AGXT2: variants seen among roughly 807,000 people sequenced by gnomAD.
AGXT2 encodes alanine--glyoxylate aminotransferase 2, also known as alanine--glyoxylate aminotransferase 2, mitochondrial.
AGXT2 carries 61 observed loss-of-function variants against 62.5 expected under a neutral mutation model. That is an observed-to-expected ratio of 0.98 (90% CI 0.79 to 1.21). The LOEUF (loss-of-function observed/expected upper bound fraction) is 1.21. Among genes scored for constraint, AGXT2 ranks in the 50% most tolerant of loss-of-function variants. The pLI is 0.00. For missense variants in AGXT2, 666 were observed against 641.5 expected (o/e 1.04, Z -0.41); for synonymous variants, 243 against 218.7 (o/e 1.11, Z -0.98).
chr5:35,025,959 C>G (rs1218868411), intron 8 of AGXT2, 104 bp from the exon 9 acceptor site: 50 of 965,248 alleles, frequency 5.2e-5, no homozygotes, highest in Non-Finnish European at 8.2e-5. Flanking sequence ...GACAGTAACA[C>G]TAGCAATTTT....
intron 13 of AGXT2, among the ~76,000 whole-genome samples, chr5:35,000,839 G>C (rs1270328180): frequency 6.6e-6 from 1 of 152,172 alleles, no homozygotes; most frequent in African/African-American, 2.4e-5. Flanking sequence ...CCGAGCTACA[G>C]ACTTCTACAG....
At position 35,033,484 on chromosome 5, in the gene AGXT2, G is replaced by A; in HGVS notation, c.651C>T (p.Leu217=). 1 of 1,613,608 alleles carries A rather than the reference G, an allele frequency of 6.2e-7. No homozygotes were observed. Among genetic ancestry groups the A allele is most frequent in the Non-Finnish European group, 8.5e-7 (1 of 1,179,546 alleles). The change falls in exon 6 of 14, where the codon CTC becomes CTT. Residue 217 remains leucine, a synonymous_variant. Transcript: ENST00000231420. ...CTGGTTGGCAACCTGTCCCACCAGG[G>A]AGTTCCATCTTGTAGGTCCCTACGT... ...LTNVGTYKME[L]PGGTGCQPTM... is the part of the protein sequence containing the mutation.
chr5:35,017,406 G>C (rs560341228), intron 9 of AGXT2, among the ~76,000 whole-genome samples: 1 of 152,188 alleles, frequency 6.6e-6, no homozygotes, highest in East Asian at 1.9e-4. Context: ...CCCACGTGTT[G>C]TGGGAGGGAC....
In AGXT2 at chr5:35,036,928, GAAGAGCATTGTACCTT is replaced by G. The variant is rs139776812; in HGVS notation, c.484_486+13del. 4.6e-5 allele frequency: 75 copies of G among 1,613,884 alleles called. No homozygotes were observed. The African/African-American group carries it at 9.6e-4, about 21-fold the overall frequency. On this transcript the variant is annotated splice_donor_variant and splice_donor_5th_base_variant and coding_sequence_variant and intron_variant, in exon 4 of 14. Transcript: ENST00000231420. LOFTEE classifies it high-confidence loss of function. The stretch of plus-strand genomic sequence containing the variant: ...CCCCCATAACATTCACCTCCTGCAG[GAAGAGCATTGTACCTT>G]AAGAGGCTCAGGAAGAAGTGCGGCA...
intron 1 of AGXT2, among the ~76,000 whole-genome samples, chr5:35,043,875 A>G (rs935503907): frequency 6.6e-6 from 1 of 152,092 alleles, no homozygotes; most frequent in Non-Finnish European, 1.5e-5. Context: ...TATTTTTAGT[A>G]GAGATCGGGT....
intron 5 of AGXT2, among the ~76,000 whole-genome samples, chr5:35,033,939 C>T (rs916594488): frequency 6.6e-6 from 1 of 152,046 alleles, no homozygotes; most frequent in African/African-American, 2.4e-5. Context: ...TATGATATAC[C>T]TGTTGTTCAA....
rs35287798 is a variant in AGXT2 at position 35,002,780 on chromosome 5, G to GC, written c.1437+982_1437+983insG. ...TGGCGCTTTGTGATAGCAGGCTGGG[G>GC]GGGGGGACTAACACGGGAGGAAAGA... is the stretch of plus-strand genomic sequence containing the variant. On this transcript the variant is annotated intron_variant, in intron 13 of 13. Transcript: ENST00000231420. 9.9e-5 allele frequency among the ~76,000 whole-genome samples: 15 copies of GC among 151,808 alleles called. 1 individual carries two copies. Among genetic ancestry groups the GC allele is most frequent in the South Asian group, 4.2e-4 (2 of 4,816 alleles).
rs766991623 is a variant in AGXT2, at chr5:35,036,932, A to C, written c.486+10T>G. 75 of 1,613,630 alleles carry C rather than the reference A, an allele frequency of 4.6e-5. No homozygotes were observed. The highest frequency in any genetic ancestry group is 6.1e-5 in the Non-Finnish European group (72 of 1,179,940). On this transcript the variant is annotated intron_variant, in intron 4 of 13. Transcript: ENST00000231420. ...CATAACATTCACCTCCTGCAGGAAG[A>C]GCATTGTACCTTAAGAGGCTCAGGA...
At chr5:35,037,324 T>C (rs528464169) in intron 3 of AGXT2, among the ~76,000 whole-genome samples, 1 of 152,344 alleles carries the variant, frequency 6.6e-6, no homozygotes, top group East Asian at 1.9e-4. Flanking sequence ...AGAAAAGAAA[T>C]GCCTAGTTTA....
chr5:35,012,962 C>T lies in AGXT2; in HGVS notation c.1180G>A (p.Val394Met). Reference sequence around the variant, plus strand: ...TGGCCGCTGGAACCAACCTCAAGCACAGCAGATCCAATGGCACAGGCCATG... The same window carrying T: ...TGGCCGCTGGAACCAACCTCAAGCATAGCAGATCCAATGGCACAGGCCATG... Reference protein sequence around the residue: ...NPMACAIGSAVLEVIKEENLQ... With the variant: ...NPMACAIGSAMLEVIKEENLQ... The change falls in exon 11 of 14, where the codon GTG (valine) becomes ATG (methionine). Residue 394 changes from valine (V) to methionine (M), a missense_variant. By Grantham distance (21) the Val-to-Met change is conservative (BLOSUM62 1). Coordinates refer to ENST00000231420, the MANE Select transcript of AGXT2 (RefSeq NM_031900.4). 6.4e-7 allele frequency: 1 copy of T among 1,551,732 alleles called. No homozygotes were observed. Among genetic ancestry groups the T allele is most frequent in the Non-Finnish European group, 8.7e-7 (1 of 1,146,986 alleles).
intron 11 of AGXT2, chr5:35,012,687 A>C (rs1173780649): frequency 6.6e-6 from 3 of 454,898 alleles, no homozygotes; most frequent in Non-Finnish European, 1.2e-5. Context: ...TAACAAAGAA[A>C]TTTCAGCTGG....
chr5:35,020,663 T>G (rs903173485), intron 9 of AGXT2, among the ~76,000 whole-genome samples: 1 of 152,144 alleles, frequency 6.6e-6, no homozygotes, highest in African/African-American at 2.4e-5. Flanking sequence ...AAAACTGGCA[T>G]AAGACAGGGA....
intron 13 of AGXT2, among the ~76,000 whole-genome samples, chr5:35,001,829 A>G (rs2112160211): frequency 6.6e-6 from 1 of 152,270 alleles, no homozygotes; most frequent in South Asian, 2.1e-4. Context: ...TCCCCCTTGA[A>G]TATCTTTTAA....
At position 35,041,152 on chromosome 5, in the gene AGXT2, G is replaced by A. The variant is rs763000709; in HGVS notation, c.89-489C>T. 6.0e-5 allele frequency among the ~76,000 whole-genome samples: 8 copies of A among 132,392 alleles called. No homozygotes were observed. The South Asian group carries it at 1.7e-3, about 28-fold the overall frequency. The allele number at this position is 132,392 out of a possible 152,430, so 86.9% of individuals were successfully genotyped here. A position where few individuals can be genotyped will look rare whatever the true frequency, so the allele number is the denominator to read the frequency against. ...CTATTCTTGTAGGGAATGAGGAGAGGCAGGTGTTAGACAATATACTAGACT... is the reference window on the plus strand; with the variant it reads ...CTATTCTTGTAGGGAATGAGGAGAGACAGGTGTTAGACAATATACTAGACT... On this transcript the variant is annotated intron_variant, in intron 1 of 13. Coordinates refer to ENST00000231420, the MANE Select transcript of AGXT2 (RefSeq NM_031900.4).
intron 7 of AGXT2, among the ~76,000 whole-genome samples, chr5:35,028,595 GAGAGAGAGAGAGAGAGAGAGAGAGAA>G (rs1408713354): frequency 9.0e-4 from 114 of 127,232 alleles, no homozygotes; most frequent in African/African-American, 2.9e-3. Context: ...GAGAGAGAGA[GAGAGAGAGAGAGAGAGAGAGAGAGAA>G]ATTCTTCTAC....
Position 35,003,864 on chromosome 5 carries a change from G to C in AGXT2, c.1339-3C>G. On this transcript the variant is annotated splice_polypyrimidine_tract_variant and splice_region_variant and intron_variant, in intron 12 of 13. Transcript: ENST00000231420. ...CGGGGAAGAGGCCGACAGCTTATCT[G>C]TAAATATATTTTTAAAATTCTTTCT... is the stretch of plus-strand genomic sequence containing the variant. The C allele has an allele frequency of 1.9e-6, 3 of 1,612,788 alleles. No individual in the cohort carries two copies. The highest frequency in any genetic ancestry group is 2.5e-6 in the Non-Finnish European group (3 of 1,178,960).
intron 9 of AGXT2, among the ~76,000 whole-genome samples, chr5:35,017,515 C>G (rs1350735307): frequency 2.0e-5 from 3 of 152,112 alleles, no homozygotes; most frequent in Non-Finnish European, 4.4e-5. Flanking sequence ...AAGGGGAAAC[C>G]CTTTTTGCTT....
chr5:35,037,017 T>C lies in AGXT2; in HGVS notation c.411A>G (p.Thr137=). The change falls in exon 4 of 14, where the codon ACA becomes ACG. Residue 137 remains threonine (T), a synonymous_variant. Coordinates refer to ENST00000231420, the MANE Select transcript of AGXT2 (RefSeq NM_031900.4). ...AQKQLGRLWH[T]STVFFHPPMH... is the part of the protein sequence containing the mutation. ...TTGGAGGGTGGAAGAAGACGGTGCT[T>C]GTATGCCACAGGCGGCCGAGCTGCT... 1 of 1,614,210 alleles carries C rather than the reference T, an allele frequency of 6.2e-7. No homozygotes were observed. The highest frequency in any genetic ancestry group is 8.5e-7 in the Non-Finnish European group (1 of 1,180,014).
At chr5:35,009,735 C>CATTGCCT (rs1264895740) in intron 12 of AGXT2, among the ~76,000 whole-genome samples, 8 of 152,190 alleles carry the variant, frequency 5.3e-5, no homozygotes, top group African/African-American at 1.7e-4. Context: ...AGTATTCGGT[C>CATTGCCT]ATTGCCTATG....
Sources: allele counts gnomAD v4.1 joint callset (sites outside exome capture counted in the v4.1 genomes callset), GRCh38; gene constraint gnomAD v4.1.1; transcripts MANE v1.5; gene names NCBI Gene and HGNC (gene_info 2026-07-23, HGNC 2026-07-21).